USP32: variants seen among roughly 807,000 people sequenced by gnomAD.
USP32 encodes ubiquitin carboxyl-terminal hydrolase 32.
A neutral mutation model predicts 204.8 loss-of-function variants in USP32; 59 were observed. The observed-to-expected ratio is 0.29, with a 90% CI of 0.23 to 0.36. USP32 has a LOEUF of 0.36. USP32 is among the 10% of genes least tolerant of loss of function. The probability of loss-of-function intolerance (pLI) is 1.00; values close to 1 mark genes in which losing one functional copy is unlikely to be tolerated. For synonymous variants in USP32, 517 were observed against 678.4 expected, an observed-to-expected ratio of 0.76 and a Z score of 3.70; for missense variants, 1,160 against 1,946.4, an observed-to-expected ratio of 0.60 and a Z score of 7.60.
chr17:60,217,988 C>A (rs1385053888), intron 16 of USP32, among the ~76,000 whole-genome samples: 1 of 152,052 alleles, frequency 6.6e-6, no homozygotes, highest in Non-Finnish European at 1.5e-5. Flanking sequence ...TCTTCCTCCC[C>A]AGTCTCCCAA....
chr17:60,225,416 C>T (rs184610848), intron 13 of USP32, among the ~76,000 whole-genome samples: 1 of 152,256 alleles, frequency 6.6e-6, no homozygotes, highest in East Asian at 1.9e-4. Context: ...GTGATTATGC[C>T]ACTGTACTCC....
At chr17:60,184,772 T>C (rs1252358158) in intron 30 of USP32, among the ~76,000 whole-genome samples, 3 of 142,458 alleles carry the variant, frequency 2.1e-5, no homozygotes, top group Non-Finnish European at 3.0e-5. Context: ...ATTACACCAC[T>C]GCACTACAGC....
intron 24 of USP32, chr17:60,207,830 G>T: frequency 1.8e-6 from 1 of 559,160 alleles, no homozygotes; most frequent in Non-Finnish European, 2.9e-6. Flanking sequence ...GCAGCCTTAC[G>T]TATTTCCCTT....
At chr17:60,232,284 T>G (rs1234320128) in intron 12 of USP32, among the ~76,000 whole-genome samples, 1 of 148,260 alleles carries the variant, frequency 6.7e-6, no homozygotes, top group Non-Finnish European at 1.5e-5. Context: ...GCGATTCTCC[T>G]GCCTCAGCCT....
At chr17:60,319,590 C>T (rs977914357) in intron 2 of USP32, among the ~76,000 whole-genome samples, 1 of 152,102 alleles carries the variant, frequency 6.6e-6, no homozygotes, top group Non-Finnish European at 1.5e-5. Context: ...CCAGCCTGGG[C>T]AACATGGTGA....
intron 4 of USP32, among the ~76,000 whole-genome samples, chr17:60,293,292 T>C (rs2087333251): frequency 6.6e-6 from 1 of 152,172 alleles, no homozygotes; most frequent in Non-Finnish European, 1.5e-5. Flanking sequence ...ATAAACCGTA[T>C]TAAAATGAAA....
At chr17:60,273,821 G>T (rs149668827) in intron 5 of USP32, among the ~76,000 whole-genome samples, 3 of 151,904 alleles carry the variant, frequency 2.0e-5, no homozygotes, top group African/African-American at 7.3e-5. Context: ...TTAGCTGGGC[G>T]TGGTGGCGGG....
At chr17:60,384,177 T>C (rs372894634) in intron 1 of USP32, among the ~76,000 whole-genome samples, 1 of 152,248 alleles carries the variant, frequency 6.6e-6, no homozygotes, top group African/African-American at 2.4e-5. Context: ...TGATGCCATT[T>C]GCTGTCATGG....
chr17:60,221,897 G>A (rs1288001441), intron 15 of USP32, among the ~76,000 whole-genome samples: 3 of 152,086 alleles, frequency 2.0e-5, no homozygotes, highest in East Asian at 3.8e-4. Context: ...TGTTTACCGT[G>A]TAAGCACAAC....
chr17:60,339,693 C>A (rs971575141), intron 2 of USP32, among the ~76,000 whole-genome samples: 1 of 151,760 alleles, frequency 6.6e-6, no homozygotes, highest in Admixed American at 6.6e-5. Flanking sequence ...AAAATTGGAG[C>A]TCCATTAATC....
intron 11 of USP32, among the ~76,000 whole-genome samples, chr17:60,236,882 G>C (rs558203970): frequency 6.6e-6 from 1 of 152,154 alleles, no homozygotes; most frequent in Admixed American, 6.5e-5. Flanking sequence ...TTGACTTTGC[G>C]TGTTTTTGTG....
chr17:60,260,468 A>G (rs1352048824), intron 9 of USP32, among the ~76,000 whole-genome samples: 1 of 151,958 alleles, frequency 6.6e-6, no homozygotes, highest in East Asian at 1.9e-4. Context: ...GGTTGAAGTG[A>G]GCCAAAATCA....
chr17:60,399,576 T>C (rs1186654469), intron 1 of USP32, among the ~76,000 whole-genome samples: 2 of 151,866 alleles, frequency 1.3e-5, no homozygotes, highest in East Asian at 3.9e-4. Context: ...GATGGGAGGA[T>C]TGCCTGAGCC....
At chr17:60,275,914 TAAAAA>T (rs763663202) in intron 5 of USP32, among the ~76,000 whole-genome samples, 2 of 139,488 alleles carry the variant, frequency 1.4e-5, no homozygotes, top group Non-Finnish European at 3.1e-5. Flanking sequence ...TGTCTCTATT[TAAAAA>T]AAAAAAAAAA....
intron 2 of USP32, among the ~76,000 whole-genome samples, chr17:60,309,349 C>T (rs2087800365): frequency 1.3e-5 from 2 of 152,122 alleles, no homozygotes; most frequent in African/African-American, 4.8e-5. Flanking sequence ...GGGAAATTCC[C>T]AGCATTTTGG....
intron 2 of USP32, among the ~76,000 whole-genome samples, chr17:60,333,142 G>A (rs774380028): frequency 2.3e-4 from 35 of 152,134 alleles, no homozygotes; most frequent in Non-Finnish European, 2.9e-4. Flanking sequence ...ACAACTCCCC[G>A]CAAGGTTGAA....
At chr17:60,191,458 TG>T (rs1388404479) in intron 28 of USP32, among the ~76,000 whole-genome samples, 1 of 116,678 alleles carries the variant, frequency 8.6e-6, no homozygotes, top group Non-Finnish European at 1.8e-5. Flanking sequence ...GGGTGGGAGA[TG>T]GGGTAGGGGG....
intron 1 of USP32, among the ~76,000 whole-genome samples, chr17:60,407,649 G>C (rs1239130687): frequency 6.6e-6 from 1 of 151,970 alleles, no homozygotes; most frequent in African/African-American, 2.4e-5. Context: ...AGGTGTGGTG[G>C]TCCATGCCTG....
At chr17:60,394,074 A>T (rs112185254), upstream of USP32, among the ~76,000 whole-genome samples, 2,061 of 152,232 alleles carry the variant, frequency 0.014, 39 homozygotes, top group African/African-American at 0.046. Flanking sequence ...GTTCACTGTG[A>T]GGTGGTTAAT....
Sources: allele counts gnomAD v4.1 joint callset (sites outside exome capture counted in the v4.1 genomes callset), GRCh38; gene constraint gnomAD v4.1.1; transcripts MANE v1.5; gene names NCBI Gene and HGNC (gene_info 2026-07-23, HGNC 2026-07-21).